The following CACNA2D3 variants were observed in gnomAD, a reference collection of about 807,000 sequenced individuals.
CACNA2D3 encodes calcium voltage-gated channel auxiliary subunit alpha2delta 3.
In CACNA2D3, 60 loss-of-function variants were observed where a neutral mutation model predicts 160.6. The observed-to-expected ratio is 0.37, with a 90% confidence interval of 0.30 to 0.46. CACNA2D3 has a LOEUF of 0.46. Ranked by LOEUF, CACNA2D3 falls within the 20% of genes least tolerant of loss-of-function variation. The pLI is 1.00. For missense variants in CACNA2D3, 1,205 were observed against 1,365.0 expected (o/e 0.88, Z 1.85); for synonymous variants, 558 against 492.9 (o/e 1.13, Z -1.75).
chr3:54,793,354 G>A (rs1238726995), intron 13 of CACNA2D3, among the ~76,000 whole-genome samples: 1 of 152,192 alleles, frequency 6.6e-6, no homozygotes, highest in East Asian at 1.9e-4. Flanking sequence ...GTTTGGCAAG[G>A]GTTTTTTAAG....
chr3:54,802,903 A>G (rs972131450), intron 13 of CACNA2D3, among the ~76,000 whole-genome samples: 1 of 152,196 alleles, frequency 6.6e-6, no homozygotes, highest in African/African-American at 2.4e-5. Flanking sequence ...GCGATTCACG[A>G]AAGTCCGCTG....
At chr3:54,258,177 A>G (rs1021682072) in intron 2 of CACNA2D3, among the ~76,000 whole-genome samples, 1 of 152,200 alleles carries the variant, frequency 6.6e-6, no homozygotes, top group Admixed American at 6.5e-5. Context: ...CAGTACTTCT[A>G]GGAATGGTAA....
intron 5 of CACNA2D3, among the ~76,000 whole-genome samples, chr3:54,562,335 C>G (rs1702339160): frequency 1.3e-5 from 2 of 152,072 alleles, no homozygotes. Context: ...GAAAAGCAAA[C>G]TTCTAATCAG....
chr3:55,069,485 A>T (rs749952250), intron 35 of CACNA2D3, among the ~76,000 whole-genome samples: 1 of 151,984 alleles, frequency 6.6e-6, no homozygotes, highest in Non-Finnish European at 1.5e-5. Flanking sequence ...TGGGCCTTTT[A>T]TACTGATTAT....
chr3:54,682,178 C>G (rs1700364065), intron 11 of CACNA2D3, among the ~76,000 whole-genome samples: 1 of 151,910 alleles, frequency 6.6e-6, no homozygotes, highest in Non-Finnish European at 1.5e-5. Context: ...CACACACACA[C>G]ACACACACAC....
At chr3:55,051,223 A>C (rs1477226779) in intron 35 of CACNA2D3, among the ~76,000 whole-genome samples, 1 of 152,018 alleles carries the variant, frequency 6.6e-6, no homozygotes, top group African/African-American at 2.4e-5. Context: ...TTTTTTCCCC[A>C]TCTTTGTGGT....
At chr3:54,773,118 A>C (rs1036283674) in intron 13 of CACNA2D3, among the ~76,000 whole-genome samples, 2 of 152,216 alleles carry the variant, frequency 1.3e-5, no homozygotes, top group Non-Finnish European at 2.9e-5. Context: ...TGCATTTGCA[A>C]ATTGGACCTG....
At chr3:54,297,827 C>T (rs1482847180) in intron 2 of CACNA2D3, among the ~76,000 whole-genome samples, 4 of 152,036 alleles carry the variant, frequency 2.6e-5, no homozygotes. Context: ...ACCCCCATTT[C>T]TAGCTGCCTG....
At chr3:55,025,973 A>G (rs1176388718) in intron 35 of CACNA2D3, among the ~76,000 whole-genome samples, 2 of 151,900 alleles carry the variant, frequency 1.3e-5, no homozygotes, top group Admixed American at 6.6e-5. Context: ...TGATTGAAGC[A>G]TCACACCTAC....
At chr3:54,167,526 G>A (rs1224082531) in intron 2 of CACNA2D3, among the ~76,000 whole-genome samples, 8 of 152,322 alleles carry the variant, frequency 5.3e-5, no homozygotes, top group Admixed American at 2.6e-4. Flanking sequence ...ACCAGCTCCC[G>A]TGGAGTCTTG....
intron 5 of CACNA2D3, among the ~76,000 whole-genome samples, chr3:54,559,199 C>T (rs1702285943): frequency 6.6e-6 from 1 of 152,200 alleles, no homozygotes; most frequent in African/African-American, 2.4e-5. Context: ...CATCACAGAG[C>T]ATCCTCAGTG....
At chr3:55,005,994 A>G (rs1432390095) in intron 32 of CACNA2D3, among the ~76,000 whole-genome samples, 3 of 152,236 alleles carry the variant, frequency 2.0e-5, no homozygotes, top group Admixed American at 2.0e-4. Context: ...CGGTTCTCCT[A>G]CACTGAGGGA....
Position 54,879,048 on chromosome 3 carries a change from G to A in CACNA2D3, c.1741G>A (p.Gly581Arg). ...AAATGCTATGGTGAATCGAAAGACG[G>A]GGAAGTTTTCCATGGAGGTGAAGAA... The part of the protein sequence containing the change: ...LRNAMVNRKT[G>R]KFSMEVKKTV... The change falls in exon 19 of 38, where the codon GGG becomes AGG. Residue 581 changes from glycine (G) to arginine (R), a missense_variant. Gly to Arg is a moderately radical substitution (Grantham distance 125). Around this residue, in one of 3 missense-constraint regions of CACNA2D3, gnomAD observed 911 missense variants for 1,002.2 expected, o/e 0.91. Transcript: ENST00000474759. 2 of 1,605,942 alleles carry A rather than the reference G, an allele frequency of 1.2e-6. No individual in the cohort carries two copies. The highest frequency in any genetic ancestry group is 1.7e-6 in the Non-Finnish European group (2 of 1,177,168).
At chr3:54,325,317 T>A (rs535302997) in intron 3 of CACNA2D3, among the ~76,000 whole-genome samples, 1 of 152,312 alleles carries the variant, frequency 6.6e-6, no homozygotes, top group East Asian at 1.9e-4. Flanking sequence ...TACATATAAC[T>A]GAGATGAGCA....
intron 2 of CACNA2D3, among the ~76,000 whole-genome samples, chr3:54,236,051 C>T (rs571886918): frequency 5.3e-5 from 8 of 152,292 alleles, no homozygotes; most frequent in African/African-American, 1.7e-4. Flanking sequence ...TCTTCCTCCC[C>T]AAAACCTGTA....
chr3:54,999,263 A>G (rs1393706785), intron 31 of CACNA2D3, among the ~76,000 whole-genome samples: 3 of 152,178 alleles, frequency 2.0e-5, no homozygotes, highest in Non-Finnish European at 4.4e-5. Context: ...TCCTATCAAC[A>G]GGTTGAGCCT....
chr3:54,200,440 A>G (rs11714003), intron 2 of CACNA2D3, among the ~76,000 whole-genome samples: 16,532 of 152,276 alleles, frequency 0.11, 1,170 homozygotes, highest in Admixed American at 0.17. Context: ...TTAAATTATT[A>G]CACCAACTAG....
chr3:54,380,644 A>G (rs1699086551), intron 3 of CACNA2D3, among the ~76,000 whole-genome samples: 2 of 152,162 alleles, frequency 1.3e-5, no homozygotes. Context: ...AGGCCGAGGC[A>G]GGAGAATGGT....
intron 13 of CACNA2D3, among the ~76,000 whole-genome samples, chr3:54,775,548 G>T (rs543138787): frequency 6.6e-6 from 1 of 152,278 alleles, no homozygotes; most frequent in Non-Finnish European, 1.5e-5. Context: ...TAGTCGTATA[G>T]GATTCTCTGC....
Sources: gnomAD v4.1 joint callset for allele counts (sites outside exome capture counted in the v4.1 genomes callset) on GRCh38, gnomAD v4.1.1 for gene constraint, gnomAD v4.1.1 regional missense constraint, MANE v1.5 for transcripts, NCBI Gene and HGNC (gene_info 2026-07-23, HGNC 2026-07-21) for gene names.